PLXNA2: variants seen among roughly 807,000 people sequenced by gnomAD.
The protein encoded by PLXNA2 is plexin-A2.
Under a neutral mutation model 193.5 loss-of-function variants are expected in PLXNA2, and 91 were observed. That is an observed-to-expected ratio of 0.47 (90% confidence interval 0.40 to 0.56). PLXNA2 has a LOEUF of 0.56. Among genes scored for constraint, PLXNA2 ranks in the 20% least tolerant of loss-of-function variants. The pLI is 0.00. For missense variants in PLXNA2, 1,995 were observed against 2,503.2 expected (o/e 0.80, Z 4.33); for synonymous variants, 997 against 1,027.3 (o/e 0.97, Z 0.56).
chr1:208,199,515 A>G (rs1328199898), intron 3 of PLXNA2, among the ~76,000 whole-genome samples: 1 of 151,972 alleles, frequency 6.6e-6, no homozygotes, highest in Non-Finnish European at 1.5e-5. Flanking sequence ...ACATGTTGAA[A>G]CCCCGTCTCT....
intron 3 of PLXNA2, among the ~76,000 whole-genome samples, chr1:208,198,030 A>T (rs1002971613): frequency 2.0e-5 from 3 of 152,216 alleles, no homozygotes; most frequent in African/African-American, 7.2e-5. Flanking sequence ...GACACGCCAC[A>T]TCGGAGTGCT....
chr1:208,074,096 C>G (rs1666063378), intron 12 of PLXNA2, among the ~76,000 whole-genome samples: 1 of 152,222 alleles, frequency 6.6e-6, no homozygotes, highest in African/African-American at 2.4e-5. Context: ...GCTCCAAAAT[C>G]CCTTTACCCT....
At chr1:208,177,855 G>A (rs182558044) in intron 3 of PLXNA2, among the ~76,000 whole-genome samples, 55 of 152,334 alleles carry the variant, frequency 3.6e-4, no homozygotes, top group Middle Eastern at 3.4e-3. Flanking sequence ...AGCAATTTGC[G>A]TTTTAACAAG....
At chr1:208,099,449 G>C (rs1339837823) in intron 5 of PLXNA2, among the ~76,000 whole-genome samples, 1 of 152,190 alleles carries the variant, frequency 6.6e-6, no homozygotes, top group Non-Finnish European at 1.5e-5. Flanking sequence ...AAGTTACAAA[G>C]TCATTTACAG....
At chr1:208,050,967 G>A in intron 17 of PLXNA2, 42 bp downstream of exon 17, 1 of 1,387,008 alleles carries the variant, frequency 7.2e-7, no homozygotes, top group Non-Finnish European at 1.0e-6. Context: ...TCAACACAGA[G>A]CTGTGTTTAC....
At chr1:208,059,861 TG>T (rs369215957) in intron 13 of PLXNA2, among the ~76,000 whole-genome samples, 1,832 of 152,090 alleles carry the variant, frequency 0.012, 46 homozygotes, top group African/African-American at 0.042. Context: ...CTGGCTCCGG[TG>T]GGGGGGATCA....
At chr1:208,030,666 C>T (rs1168829954) in intron 29 of PLXNA2, 1 of 985,308 alleles carries the variant, frequency 1.0e-6, no homozygotes, top group Non-Finnish European at 1.2e-6. Flanking sequence ...ACTTTTGATT[C>T]CCAAATAACA....
intron 1 of PLXNA2, among the ~76,000 whole-genome samples, 182 bp downstream of exon 1, chr1:208,243,461 G>T (rs1022102089): frequency 3.8e-4 from 58 of 152,066 alleles, no homozygotes; most frequent in African/African-American, 1.3e-3. Flanking sequence ...CGCACGCCGC[G>T]CTCCAGCCCG....
intron 26 of PLXNA2, among the ~76,000 whole-genome samples, chr1:208,036,839 T>A (rs754680173): frequency 6.6e-6 from 1 of 152,330 alleles, no homozygotes; most frequent in East Asian, 1.9e-4. Context: ...CTTCTTCTGA[T>A]TGGGAGCCGT....
At position 208,024,915 on chromosome 1, in the gene PLXNA2, C is replaced by T. The variant is rs572900627; in HGVS notation, c.*2328G>A. The T allele has an allele frequency of 6.6e-6, 1 of 152,434 alleles. No individual in the cohort carries two copies. Among genetic ancestry groups the T allele is most frequent in the South Asian group, 2.1e-4 (1 of 4,826 alleles). The allele number at this position is 152,434 out of a possible 1,614,324, so 9.4% of individuals were successfully genotyped here. ...AGGTCTCCTGGTCACACTCTTCTTA[C>T]CTATATCTCCTTTCCTTTTATCTCC... is the stretch of plus-strand genomic sequence containing the variant. On this transcript the variant is annotated 3_prime_UTR_variant, in exon 32 of 32. Coordinates refer to ENST00000367033, the MANE Select transcript of PLXNA2 (RefSeq NM_025179.4).
chr1:208,051,446 G>A (rs750874208), intron 15 of PLXNA2, 23 bp from the exon 16 acceptor site: 22 of 1,598,024 alleles, frequency 1.4e-5, no homozygotes, highest in Admixed American at 7.3e-5. Flanking sequence ...CAGCAGGAGG[G>A]TTGAGAAGAA....
intron 17 of PLXNA2, among the ~76,000 whole-genome samples, chr1:208,046,939 T>C (rs1665089610): frequency 6.6e-6 from 1 of 151,944 alleles, no homozygotes. Flanking sequence ...AAAAATAGGA[T>C]TCTGCAACTC....
chr1:208,048,889 C>T (rs1452345551), intron 17 of PLXNA2, among the ~76,000 whole-genome samples: 1 of 152,186 alleles, frequency 6.6e-6, no homozygotes, highest in Non-Finnish European at 1.5e-5. Flanking sequence ...CTAGAGATAG[C>T]AAATAACTTG....
intron 2 of PLXNA2, among the ~76,000 whole-genome samples, chr1:208,214,332 A>C (rs187206533): frequency 7.9e-5 from 12 of 152,356 alleles, no homozygotes; most frequent in African/African-American, 2.9e-4. Flanking sequence ...CATGAAAAGA[A>C]GACAATATTA....
chr1:208,110,179 T>C (rs1396971560), intron 4 of PLXNA2, among the ~76,000 whole-genome samples: 1 of 152,314 alleles, frequency 6.6e-6, no homozygotes, highest in African/African-American at 2.4e-5. Context: ...GTAGACCCTC[T>C]GGGGAAAGTC....
chr1:208,173,718 TG>T (rs1323412154), intron 3 of PLXNA2, among the ~76,000 whole-genome samples: 1 of 152,106 alleles, frequency 6.6e-6, no homozygotes, highest in Non-Finnish European at 1.5e-5. Context: ...CAAGGGTGAG[TG>T]GAGGATTTGC....
intron 12 of PLXNA2, among the ~76,000 whole-genome samples, chr1:208,071,398 C>T (rs371282200): frequency 6.2e-4 from 94 of 152,358 alleles, no homozygotes; most frequent in Middle Eastern, 3.4e-3. Context: ...TTTGACTTTA[C>T]AGGGCAGTGA....
At chr1:208,113,970 G>A (rs1238899117) in intron 4 of PLXNA2, among the ~76,000 whole-genome samples, 5 of 152,270 alleles carry the variant, frequency 3.3e-5, no homozygotes, top group South Asian at 2.1e-4. Flanking sequence ...CAGACAGCTC[G>A]GGTAAGAGCA....
At chr1:208,042,981 G>T in intron 21 of PLXNA2, 80 bp downstream of exon 21, 2 of 1,423,952 alleles carry the variant, frequency 1.4e-6, no homozygotes, top group Non-Finnish European at 2.0e-6. Flanking sequence ...ACTCAGTACT[G>T]CTGAGTCTCA....
Sources: allele counts gnomAD v4.1 joint callset (sites outside exome capture counted in the v4.1 genomes callset), GRCh38; gene constraint gnomAD v4.1.1; transcripts MANE v1.5; gene names NCBI Gene and HGNC (gene_info 2026-07-23, HGNC 2026-07-21).